SRD5A2: variants seen among roughly 807,000 people sequenced by gnomAD.
SRD5A2 encodes steroid 5 alpha-reductase 2, also known as 3-oxo-5-alpha-steroid 4-dehydrogenase 2.
Under a neutral mutation model 27.4 loss-of-function variants are expected in SRD5A2, and 30 were observed. The observed-to-expected ratio is 1.10, with a 90% CI of 0.82 to 1.49. The LOEUF (loss-of-function observed/expected upper bound fraction) is 1.49. Among genes scored for constraint, SRD5A2 ranks in the 40% most tolerant of loss-of-function variants. SRD5A2 has a pLI of 0.00. For missense variants in SRD5A2, 348 were observed against 323.4 expected, an observed-to-expected ratio of 1.08 and a Z score of -0.58; for synonymous variants, 141 against 133.6, an observed-to-expected ratio of 1.06 and a Z score of -0.38.
upstream of SRD5A2, among the ~76,000 whole-genome samples, chr2:31,585,008 A>G (rs1196696337): frequency 6.6e-6 from 1 of 152,220 alleles, no homozygotes; most frequent in African/African-American, 2.4e-5. Context: ...GGGAGAACAC[A>G]TCAATGGTGA....
chr2:31,564,723 C>T (rs1487248218), intron 1 of SRD5A2, among the ~76,000 whole-genome samples: 1 of 151,902 alleles, frequency 6.6e-6, no homozygotes, highest in East Asian at 1.9e-4. Flanking sequence ...ATAATGCAAA[C>T]AAGACGACAG....
chr2:31,537,871 A>G (rs908963462), intron 1 of SRD5A2, among the ~76,000 whole-genome samples: 1 of 152,110 alleles, frequency 6.6e-6, no homozygotes, highest in South Asian at 2.1e-4. Context: ...GGATTTGTTC[A>G]TTCTTGCCCT....
the SRD5A2 span, among the ~76,000 whole-genome samples, chr2:31,588,123 A>T: frequency 6.6e-6 from 1 of 152,148 alleles, no homozygotes; most frequent in Non-Finnish European, 1.5e-5. Flanking sequence ...GGATCTAGAA[A>T]ATAGCTTCAA....
the SRD5A2 span, among the ~76,000 whole-genome samples, chr2:31,661,004 T>C: frequency 1.1e-4 from 16 of 152,214 alleles, no homozygotes; most frequent in African/African-American, 2.6e-4. Context: ...CACGAGGCCA[T>C]TGGCAACAGC....
At chr2:31,636,789 T>C in the SRD5A2 span, among the ~76,000 whole-genome samples, 2 of 152,182 alleles carry the variant, frequency 1.3e-5, no homozygotes, top group Non-Finnish European at 2.9e-5. Flanking sequence ...GATTTGCATA[T>C]GTTGAACTAA....
chr2:31,636,910 C>T, the SRD5A2 span, among the ~76,000 whole-genome samples: 1 of 152,038 alleles, frequency 6.6e-6, no homozygotes, highest in African/African-American at 2.4e-5. Context: ...CTATGTTCAT[C>T]AGGGATATTG....
At chr2:31,544,148 G>A (rs528391685) in intron 1 of SRD5A2, among the ~76,000 whole-genome samples, 11 of 152,034 alleles carry the variant, frequency 7.2e-5, no homozygotes, top group Admixed American at 3.3e-4. Flanking sequence ...GAAGACTTAT[G>A]AGCATTTATG....
chr2:31,584,513 C>G (rs970916983), upstream of SRD5A2, among the ~76,000 whole-genome samples: 1 of 152,144 alleles, frequency 6.6e-6, no homozygotes, highest in African/African-American at 2.4e-5. Flanking sequence ...TAACACTGTC[C>G]TTACTTCAGA....
At chr2:31,599,804 T>A in the SRD5A2 span, among the ~76,000 whole-genome samples, 7 of 152,018 alleles carry the variant, frequency 4.6e-5, no homozygotes, top group East Asian at 9.7e-4. Context: ...CTGAAATAAA[T>A]GAAATGAAGA....
chr2:31,632,304 G>C, the SRD5A2 span, among the ~76,000 whole-genome samples: 1 of 152,176 alleles, frequency 6.6e-6, no homozygotes, highest in African/African-American at 2.4e-5. Flanking sequence ...AACACGGAAA[G>C]CCTGGGCAAA....
chr2:31,620,647 T>C, the SRD5A2 span, among the ~76,000 whole-genome samples: 1 of 151,970 alleles, frequency 6.6e-6, no homozygotes, highest in Admixed American at 6.6e-5. Flanking sequence ...ATACCTACGT[T>C]AGTGTATACT....
chr2:31,649,506 A>C, the SRD5A2 span, among the ~76,000 whole-genome samples: 3 of 152,274 alleles, frequency 2.0e-5, no homozygotes, highest in South Asian at 2.1e-4. Context: ...CAAATAGTCA[A>C]ATACCTATGT....
chr2:31,577,070 C>T (rs1453676251), intron 1 of SRD5A2, among the ~76,000 whole-genome samples: 1 of 26,282 alleles, frequency 3.8e-5, no homozygotes, highest in African/African-American at 1.7e-4. Context: ...GTGGGTGCAG[C>T]GCACCAGCAT....
intron 1 of SRD5A2, among the ~76,000 whole-genome samples, chr2:31,560,060 C>A (rs912202144): frequency 6.9e-6 from 1 of 144,092 alleles, no homozygotes; most frequent in Non-Finnish European, 1.5e-5. Context: ...ACCAATCCCC[C>A]CCCCCCCCTT....
At chr2:31,619,954 T>C in the SRD5A2 span, among the ~76,000 whole-genome samples, 8 of 152,168 alleles carry the variant, frequency 5.3e-5, no homozygotes. Flanking sequence ...TTAGATCTCA[T>C]TTGTCAATTT....
intron 1 of SRD5A2, among the ~76,000 whole-genome samples, chr2:31,575,586 A>G (rs1666943066): frequency 6.6e-6 from 1 of 152,214 alleles, no homozygotes; most frequent in South Asian, 2.1e-4. Context: ...CCGCTGGGGA[A>G]TGAACTGACT....
chr2:31,575,740 C>A (rs1171120890), intron 1 of SRD5A2, among the ~76,000 whole-genome samples: 1 of 152,208 alleles, frequency 6.6e-6, no homozygotes, highest in East Asian at 1.9e-4. Flanking sequence ...AGATGTATAT[C>A]ATGGAAATTA....
chr2:31,645,469 C>A, the SRD5A2 span, among the ~76,000 whole-genome samples: 1 of 152,026 alleles, frequency 6.6e-6, no homozygotes, highest in South Asian at 2.1e-4. Flanking sequence ...ATTTTAAAAA[C>A]GAAATGGTCA....
chr2:31,590,895 G>T, the SRD5A2 span, among the ~76,000 whole-genome samples: 2 of 152,210 alleles, frequency 1.3e-5, no homozygotes, highest in Non-Finnish European at 2.9e-5. Context: ...GTTGAAAGCT[G>T]AAACTGGATC....
Sources: gnomAD v4.1 joint callset for allele counts (sites outside exome capture counted in the v4.1 genomes callset) on GRCh38, gnomAD v4.1.1 for gene constraint, MANE v1.5 for transcripts, NCBI Gene and HGNC (gene_info 2026-07-23, HGNC 2026-07-21) for gene names.